BABAM2: variants seen among roughly 807,000 people sequenced by gnomAD.
BABAM2 encodes BRISC and BRCA1-A complex member 2.
A neutral mutation model predicts 54.7 loss-of-function variants in BABAM2; 31 were observed. That is an observed-to-expected ratio of 0.57 (90% CI 0.43 to 0.77). The LOEUF (loss-of-function observed/expected upper bound fraction) is 0.77, where lower values mean the gene tolerates loss of function less well. Among genes scored for constraint, BABAM2 ranks in the 30% least tolerant of loss-of-function variants. The probability of loss-of-function intolerance (pLI) is 0.00; values close to 1 mark genes in which losing one functional copy is unlikely to be tolerated. For synonymous variants in BABAM2, 167 were observed against 162.9 expected (o/e 1.03, Z -0.19); for missense variants, 364 against 455.8 (o/e 0.80, Z 1.83).
At chr2:28,084,129 T>C (rs1014168984) in intron 6 of BABAM2, among the ~76,000 whole-genome samples, 6 of 152,130 alleles carry the variant, frequency 3.9e-5, no homozygotes, top group African/African-American at 1.2e-4. Flanking sequence ...GTTGTACACA[T>C]GGATGATAGA....
intron 7 of BABAM2, among the ~76,000 whole-genome samples, chr2:28,169,850 A>T (rs984324993): frequency 2.6e-5 from 4 of 151,960 alleles, no homozygotes; most frequent in Admixed American, 2.6e-4. Context: ...CCTGTTAGTC[A>T]TTGAAAAAAA....
At chr2:27,942,134 T>A (rs1668936003) in intron 3 of BABAM2, among the ~76,000 whole-genome samples, 1 of 152,206 alleles carries the variant, frequency 6.6e-6, no homozygotes, top group Admixed American at 6.5e-5. Context: ...AAACTGAGAA[T>A]GCTGCTCATT....
At chr2:28,296,208 G>T (rs1297367058) in intron 10 of BABAM2, among the ~76,000 whole-genome samples, 1 of 152,226 alleles carries the variant, frequency 6.6e-6, no homozygotes, top group Non-Finnish European at 1.5e-5. Context: ...TTTGTGCAGA[G>T]TGACTGAAAA....
At chr2:27,937,780 G>C (rs1668594031) in intron 3 of BABAM2, among the ~76,000 whole-genome samples, 1 of 152,064 alleles carries the variant, frequency 6.6e-6, no homozygotes, top group African/African-American at 2.4e-5. Flanking sequence ...TCTGTTGATT[G>C]TTTCCTTTGA....
chr2:28,217,611 T>A (rs1488563576), intron 7 of BABAM2, among the ~76,000 whole-genome samples: 1 of 152,222 alleles, frequency 6.6e-6, no homozygotes, highest in African/African-American at 2.4e-5. Flanking sequence ...CCAGTCCAAT[T>A]TCAGAGCAAG....
At chr2:28,327,662 A>G (rs1482273407) in intron 11 of BABAM2, among the ~76,000 whole-genome samples, 1 of 152,084 alleles carries the variant, frequency 6.6e-6, no homozygotes, top group East Asian at 1.9e-4. Context: ...AAATATCTCA[A>G]ACGCAAGGCA....
intron 5 of BABAM2, among the ~76,000 whole-genome samples, chr2:28,029,716 T>TA (rs1256718620): frequency 5.9e-5 from 9 of 152,186 alleles, no homozygotes; most frequent in African/African-American, 2.2e-4. Context: ...GATATATACC[T>TA]ACAAGTGGGA....
intron 10 of BABAM2, among the ~76,000 whole-genome samples, chr2:28,290,145 T>C (rs988821345): frequency 2.6e-5 from 4 of 152,228 alleles, no homozygotes; most frequent in Non-Finnish European, 5.9e-5. Flanking sequence ...TTCATCTAGG[T>C]TGACACATGT....
chr2:27,890,078 A>C (rs1204534259), upstream of BABAM2: 2 of 584,862 alleles, frequency 3.4e-6, no homozygotes, highest in African/African-American at 3.8e-5. This position sits in a 1 kb window ranked among gnomAD's most constrained non-coding sequence, Gnocchi z 4.8. Context: ...TTACCTTTAT[A>C]TACTCAAGTT....
At chr2:27,922,406 G>C (rs1162212194) in intron 2 of BABAM2, among the ~76,000 whole-genome samples, 3 of 152,178 alleles carry the variant, frequency 2.0e-5, no homozygotes, top group Non-Finnish European at 4.4e-5. Context: ...CAACAGATGA[G>C]AATGTGCGAA....
At chr2:28,312,963 GC>G (rs1183371014) in intron 11 of BABAM2, among the ~76,000 whole-genome samples, 1 of 152,172 alleles carries the variant, frequency 6.6e-6, no homozygotes, top group Non-Finnish European at 1.5e-5. Context: ...CTGGTCCAAA[GC>G]CCAGCCCAAG....
chr2:28,093,852 A>G (rs973818353), intron 6 of BABAM2, among the ~76,000 whole-genome samples: 15 of 152,238 alleles, frequency 9.9e-5, no homozygotes, highest in African/African-American at 2.7e-4. Flanking sequence ...AGACAAAAGT[A>G]CAGACTTCAT....
In BABAM2 at chr2:28,322,054, G is replaced by T. The variant is rs1690065145; in HGVS notation, c.1089-16396G>T. 6.6e-6 allele frequency among the ~76,000 whole-genome samples: 1 copy of T among 152,128 alleles called. No individual in the cohort carries two copies. Among genetic ancestry groups the T allele is most frequent in the South Asian group, 2.1e-4 (1 of 4,830 alleles). ...GAATAATAGATCCTTAGGAAGGAAG[G>T]CTGTTCATTCAGTCATTCAACAGAA... is the stretch of plus-strand genomic sequence containing the variant. On this transcript the variant is annotated intron_variant, in intron 11 of 11. Transcript: ENST00000379624. The surrounding 1 kb of genome is among the most constrained non-coding windows in gnomAD (Gnocchi z 4.1).
In BABAM2 at chr2:28,074,215, A is replaced by G. The variant is rs577607992; in HGVS notation, c.570+28416A>G. Among the ~76,000 whole-genome samples, 3 of 152,300 alleles carry G rather than the reference A, an allele frequency of 2.0e-5. No individual in the cohort carries two copies. In the East Asian group the frequency reaches 5.8e-4, roughly 29 times the overall value. On this transcript the variant is annotated intron_variant, in intron 6 of 11. Coordinates refer to ENST00000379624, the MANE Select transcript of BABAM2 (RefSeq NM_199191.3). ...AGACATGAATTTATTTGTGACAAAT[A>G]GCTATTCTCTTACCCAGTGTTTTCA...
In BABAM2 at chr2:28,304,026, G is replaced by C. The variant is rs1010330651; in HGVS notation, c.1088+5535G>C. 6.6e-6 allele frequency among the ~76,000 whole-genome samples: 1 copy of C among 152,000 alleles called. No individual in the cohort carries two copies. Among genetic ancestry groups the C allele is most frequent in the Non-Finnish European group, 1.5e-5 (1 of 68,004 alleles). ...CTCCTGAGTACCCAGGACTACAGAC[G>C]TGTGCCACCACACCCAGCTAATTTT... is the stretch of plus-strand genomic sequence containing the variant. On this transcript the variant is annotated intron_variant, in intron 11 of 11. Transcript: ENST00000379624. The surrounding 1 kb of genome is among the most constrained non-coding windows in gnomAD (Gnocchi z 4.0).
intron 1 of BABAM2, among the ~76,000 whole-genome samples, 160 bp from the exon 2 acceptor site, chr2:27,894,373 G>T (rs1304912628): frequency 2.0e-5 from 3 of 152,206 alleles, no homozygotes; most frequent in African/African-American, 7.2e-5. Context: ...CAGTGAGGTG[G>T]TTTCTTCTGG....
intron 6 of BABAM2, among the ~76,000 whole-genome samples, chr2:28,066,020 G>T (rs949282731): frequency 3.3e-5 from 5 of 150,216 alleles, no homozygotes; most frequent in Admixed American, 2.0e-4. Flanking sequence ...TTAGCTGGGC[G>T]TGGTGACACA....
rs35552031 is a variant in BABAM2 at position 27,985,057 on chromosome 2, ATGTGTG to A, written c.206-2900_206-2895del. Among the ~76,000 whole-genome samples the A allele has an allele frequency of 3.4e-3, 467 of 137,512 alleles. 5 individuals are homozygous for A. The highest frequency in any genetic ancestry group is 0.011 in the Middle Eastern group (3 of 278). The allele number at this position is 137,512 out of a possible 152,430, so 90.2% of individuals were successfully genotyped here. On this transcript the variant is annotated intron_variant, in intron 3 of 11. Coordinates refer to ENST00000379624, the MANE Select transcript of BABAM2 (RefSeq NM_199191.3). ...TTTTATGGCTTAGTAGTATTCCATG[ATGTGTG>A]TGTGTGTGTGTGTGTGTGTGTGTGT...
intron 10 of BABAM2, among the ~76,000 whole-genome samples, chr2:28,259,453 T>C (rs1410807907): frequency 1.3e-5 from 2 of 152,168 alleles, no homozygotes; most frequent in African/African-American, 2.4e-5. Context: ...TTGTTTTTAA[T>C]TGGGCTGTTA....
Sources: gnomAD v4.1 joint callset for allele counts (sites outside exome capture counted in the v4.1 genomes callset) on GRCh38, gnomAD v4.1.1 for gene constraint, Gnocchi (gnomAD v3.1) non-coding constraint, MANE v1.5 for transcripts, NCBI Gene and HGNC (gene_info 2026-07-23, HGNC 2026-07-21) for gene names.